MYRIP: variants seen among roughly 807,000 people sequenced by gnomAD.
MYRIP encodes the protein rab effector MyRIP.
Under a neutral mutation model 98.0 loss-of-function variants are expected in MYRIP, and 49 were observed. The ratio of observed to expected loss-of-function variants is 0.50; its 90% confidence interval spans 0.40 to 0.63. MYRIP has a LOEUF of 0.63. Ranked by LOEUF, MYRIP falls within the 30% of genes least tolerant of loss-of-function variation. MYRIP has a pLI of 0.00. For synonymous variants in MYRIP, 404 were observed against 409.5 expected, an observed-to-expected ratio of 0.99 and a Z score of 0.16; for missense variants, 1,004 against 1,058.2, an observed-to-expected ratio of 0.95 and a Z score of 0.71.
At chr3:39,931,458 A>C (rs898227387) in intron 2 of MYRIP, among the ~76,000 whole-genome samples, 1 of 151,936 alleles carries the variant, frequency 6.6e-6, no homozygotes, top group African/African-American at 2.4e-5. Context: ...ATACTAGATC[A>C]TGTCATCTTT....
chr3:40,107,881 C>T (rs1458017614), intron 3 of MYRIP, among the ~76,000 whole-genome samples: 1 of 152,148 alleles, frequency 6.6e-6, no homozygotes, highest in Non-Finnish European at 1.5e-5. Flanking sequence ...ATCACAGACT[C>T]AGAAGGGAAT....
intron 2 of MYRIP, among the ~76,000 whole-genome samples, chr3:39,960,086 C>T (rs1025508589): frequency 5.3e-5 from 8 of 152,054 alleles, no homozygotes; most frequent in African/African-American, 1.9e-4. Context: ...TGGCATTATC[C>T]CTGGGAATGA....
chr3:40,223,903 G>A (rs1952413250), intron 11 of MYRIP, among the ~76,000 whole-genome samples: 1 of 152,132 alleles, frequency 6.6e-6, no homozygotes, highest in Non-Finnish European at 1.5e-5. Context: ...TAGGGCAGAG[G>A]GCAGAGTCCT....
intron 1 of MYRIP, among the ~76,000 whole-genome samples, chr3:39,887,874 T>C (rs1168453809): frequency 1.3e-5 from 2 of 152,048 alleles, no homozygotes; most frequent in Non-Finnish European, 1.5e-5. Flanking sequence ...AGCATTCTTC[T>C]ACACCAACAA....
In MYRIP at chr3:40,157,616, A is replaced by C. The variant is rs1317650311; in HGVS notation, c.470-5114A>C. Among the ~76,000 whole-genome samples the C allele has an allele frequency of 2.1e-5, 3 of 145,164 alleles. No individual in the cohort carries two copies. In the Admixed American group the frequency reaches 2.1e-4, roughly 10 times the overall value. ...TCTGGTAGAATTTGGCTGTGAATCCATCTGGTCCTGGACTCTTTTTGGTTG... is the reference window on the plus strand; with the variant it reads ...TCTGGTAGAATTTGGCTGTGAATCCCTCTGGTCCTGGACTCTTTTTGGTTG... On this transcript the variant is annotated intron_variant, in intron 4 of 16. Coordinates refer to ENST00000302541, the MANE Select transcript of MYRIP (RefSeq NM_015460.4).
intron 10 of MYRIP, chr3:40,208,910 T>C (rs1184673443): frequency 1.3e-5 from 2 of 152,238 alleles, no homozygotes; most frequent in Non-Finnish European, 2.9e-5. Context: ...TATTGGTTAC[T>C]GGTTACAAAA....
rs369627060 is a variant in MYRIP, at chr3:39,885,297, G to A, written c.-30-15490G>A. Among the ~76,000 whole-genome samples the A allele has an allele frequency of 2.7e-4, 41 of 152,006 alleles. 1 individual carries two copies. The South Asian group carries it at 7.5e-3, about 28-fold the overall frequency. ...GGGAAATCATTCTTTTGTCTTTGAT[G>A]TGAAAAGACAATTTTTGAATATTGG... On this transcript the variant is annotated intron_variant, in intron 1 of 16. Coordinates refer to ENST00000302541, the MANE Select transcript of MYRIP (RefSeq NM_015460.4).
At chr3:40,167,361 A>C in intron 7 of MYRIP, 122 bp downstream of exon 7, 1 of 904,194 alleles carries the variant, frequency 1.1e-6, no homozygotes, top group South Asian at 1.6e-5. Flanking sequence ...GTGCCTTCTC[A>C]CTTTAGACTT....
chr3:40,203,526 C>A (rs1951629009), intron 10 of MYRIP, among the ~76,000 whole-genome samples: 1 of 150,822 alleles, frequency 6.6e-6, no homozygotes, highest in South Asian at 2.1e-4. Flanking sequence ...AACTTGCACA[C>A]CACTGAAAAC....
intron 16 of MYRIP, among the ~76,000 whole-genome samples, chr3:40,257,024 T>C (rs1420528214): frequency 6.6e-6 from 1 of 152,156 alleles, no homozygotes; most frequent in African/African-American, 2.4e-5. Flanking sequence ...GAGAAGTGCA[T>C]TCAGTAATAA....
chr3:39,849,578 T>C (rs1364869488), intron 1 of MYRIP, among the ~76,000 whole-genome samples: 1 of 152,148 alleles, frequency 6.6e-6, no homozygotes, highest in East Asian at 1.9e-4. Context: ...CACTGGTAAT[T>C]TGTAAGTTAT....
chr3:40,108,418 G>T (rs1949096377), intron 3 of MYRIP, among the ~76,000 whole-genome samples: 1 of 152,168 alleles, frequency 6.6e-6, no homozygotes, highest in Admixed American at 6.5e-5. Context: ...TGACCCTGGG[G>T]TGACTCCACT....
At chr3:40,146,081 T>C (rs1487374595) in intron 3 of MYRIP, among the ~76,000 whole-genome samples, 2 of 152,222 alleles carry the variant, frequency 1.3e-5, no homozygotes, top group Non-Finnish European at 2.9e-5. Flanking sequence ...ATTGTCAATA[T>C]GTTGATATAC....
chr3:40,109,992 C>G (rs1204642999), intron 3 of MYRIP, among the ~76,000 whole-genome samples: 1 of 152,232 alleles, frequency 6.6e-6, no homozygotes, highest in African/African-American at 2.4e-5. Flanking sequence ...GAGTACAGGG[C>G]AGATATGTGT....
chr3:40,190,911 G>A (rs1012100410), intron 10 of MYRIP, among the ~76,000 whole-genome samples: 2 of 152,176 alleles, frequency 1.3e-5, no homozygotes, highest in Admixed American at 6.5e-5. Flanking sequence ...CCTTGGGCAA[G>A]GCATCTCTCT....
At chr3:40,164,219 C>T (rs765399893) in intron 5 of MYRIP, among the ~76,000 whole-genome samples, 3 of 152,216 alleles carry the variant, frequency 2.0e-5, no homozygotes, top group Non-Finnish European at 1.5e-5. Flanking sequence ...TTCCATTCCA[C>T]AGCCCATATC....
rs763879430 is a variant in MYRIP, at chr3:40,192,309, C to CATATATAT, written c.1665+1855_1665+1862dup. Among the ~76,000 whole-genome samples, 7 of 57,954 alleles carry CATATATAT rather than the reference C, an allele frequency of 1.2e-4. 1 individual carries two copies. The highest frequency in any genetic ancestry group is 1.4e-4 in the Non-Finnish European group (5 of 35,488). 38.0% of individuals were successfully genotyped at this position (57,954 alleles called of 152,430 possible). On this transcript the variant is annotated intron_variant, in intron 10 of 16. Transcript: ENST00000302541. The stretch of plus-strand genomic sequence containing the variant: ...ATTTACTGCGGCAGTTAGTTTTCTT[C>CATATATAT]ATATATATATATATATGTCATATAT...
In MYRIP at chr3:40,249,169, TG is replaced by T. The variant is rs1371148301; in HGVS notation, c.2263-1052del. On this transcript the variant is annotated intron_variant, in intron 13 of 16. Transcript: ENST00000302541. Reference sequence around the variant, plus strand: ...GGGCTGAGAGGCAATGGAGACCTCATGTGTGGAGCACACACACACATTGGCT... The same window carrying T: ...GGGCTGAGAGGCAATGGAGACCTCATTGTGGAGCACACACACACATTGGCT... 3.3e-5 allele frequency among the ~76,000 whole-genome samples: 5 copies of T among 152,232 alleles called. No individual in the cohort carries two copies. The East Asian group carries it at 9.6e-4, about 29-fold the overall frequency.
At chr3:39,919,795 ATT>A (rs1320879710) in intron 2 of MYRIP, among the ~76,000 whole-genome samples, 11 of 151,732 alleles carry the variant, frequency 7.2e-5, no homozygotes, top group Non-Finnish European at 1.2e-4. Flanking sequence ...TTGGTACACT[ATT>A]TATTCATTTT....
Sources: allele counts gnomAD v4.1 joint callset (sites outside exome capture counted in the v4.1 genomes callset), GRCh38; gene constraint gnomAD v4.1.1; transcripts MANE v1.5; gene names NCBI Gene and HGNC (gene_info 2026-07-23, HGNC 2026-07-21).